The following DPP6 variants were observed in gnomAD, a reference collection of about 807,000 sequenced individuals.
DPP6 encodes the protein A-type potassium channel modulatory protein DPP6.
DPP6 carries 69 observed loss-of-function variants against 122.6 expected under a neutral mutation model. The ratio of observed to expected loss-of-function variants is 0.56; its 90% CI spans 0.46 to 0.69. The LOEUF is 0.69. Among genes scored for constraint, DPP6 ranks in the 30% least tolerant of loss-of-function variants. DPP6 has a pLI of 0.00. For synonymous variants in DPP6, 418 were observed against 433.1 expected, an observed-to-expected ratio of 0.97 and a Z score of 0.43; for missense variants, 928 against 1,116.9, an observed-to-expected ratio of 0.83 and a Z score of 2.41.
In DPP6 at chr7:154,623,571, A is replaced by G. The variant is rs62477223; in HGVS notation, c.628-14250A>G. 5.7e-3 allele frequency among the ~76,000 whole-genome samples: 363 copies of G among 63,720 alleles called. 2 individuals carry two copies. The highest frequency in any genetic ancestry group is 0.015 in the African/African-American group (339 of 23,226). The allele number at this position is 63,720 out of a possible 152,430, so 41.8% of individuals were successfully genotyped here. ...ACACGCACACACGCAACACGCACACACACACGCACGCACACGCGCACACAC... is the reference window on the plus strand; with the variant it reads ...ACACGCACACACGCAACACGCACACGCACACGCACGCACACGCGCACACAC... On this transcript the variant is annotated intron_variant, in intron 5 of 25. Transcript: ENST00000377770.
intron 1 of DPP6, among the ~76,000 whole-genome samples, chr7:153,941,568 T>C (rs556190574): frequency 1.3e-5 from 2 of 152,244 alleles, no homozygotes; most frequent in South Asian, 2.1e-4. Context: ...ACCTTTGGTA[T>C]AAAAGGAAGG....
intron 1 of DPP6, among the ~76,000 whole-genome samples, chr7:154,381,451 C>T (rs1001536274): frequency 3.9e-5 from 6 of 152,146 alleles, no homozygotes; most frequent in South Asian, 4.1e-4. Context: ...GTGTACATAT[C>T]GGTATGTATA....
chr7:154,886,015 G>A (rs760111639), intron 22 of DPP6, among the ~76,000 whole-genome samples: 30 of 152,234 alleles, frequency 2.0e-4, no homozygotes, highest in Admixed American at 8.5e-4. Flanking sequence ...CTAGTACTCC[G>A]CTGGCAGCAG....
chr7:154,375,997 G>T (rs559281134), intron 1 of DPP6, among the ~76,000 whole-genome samples: 2 of 152,302 alleles, frequency 1.3e-5, no homozygotes, highest in African/African-American at 4.8e-5. Flanking sequence ...CAAGGTTGGT[G>T]CATTTCACAT....
At position 154,052,789 on chromosome 7, in the gene DPP6, C is replaced by T. The variant is rs1450023832; in HGVS notation, c.-32C>T. The T allele has an allele frequency of 2.0e-6, 3 of 1,481,124 alleles. No homozygotes were observed. The highest frequency in any genetic ancestry group is 2.7e-6 in the Non-Finnish European group (3 of 1,110,120). 91.7% of individuals were successfully genotyped at this position (1,481,124 alleles called of 1,614,324 possible). A position where few individuals can be genotyped will look rare whatever the true frequency, so the allele number is the denominator to read the frequency against. On this transcript the variant is annotated 5_prime_UTR_variant, in exon 1 of 26. Coordinates refer to ENST00000377770, the MANE Select transcript of DPP6 (RefSeq NM_130797.4). This position sits in a 1 kb window ranked among gnomAD's most constrained non-coding sequence, Gnocchi z 4.8. ...GAGAGAAAGCAAAATATTAAAAAGC[C>T]CCAAAGACAGCCAGCAGGAGCGCGG...
intron 8 of DPP6, among the ~76,000 whole-genome samples, chr7:154,744,806 C>T (rs1842965130): frequency 6.6e-6 from 1 of 152,152 alleles, no homozygotes; most frequent in Non-Finnish European, 1.5e-5. Context: ...TCCCGGGACC[C>T]AGATTTCTCA....
chr7:153,857,503 A>T, the DPP6 span, among the ~76,000 whole-genome samples: 1 of 152,174 alleles, frequency 6.6e-6, no homozygotes, highest in Non-Finnish European at 1.5e-5. Flanking sequence ...CACTGCTTAC[A>T]GCTTTCTGGC....
At chr7:153,786,733 C>T in the DPP6 span, among the ~76,000 whole-genome samples, 1,094 of 65,374 alleles carry the variant, frequency 0.017, 12 homozygotes, top group African/African-American at 0.05. Context: ...AGCGAGACTC[C>T]GTCTCAGAAA....
At chr7:153,782,544 G>A in the DPP6 span, among the ~76,000 whole-genome samples, 1 of 152,100 alleles carries the variant, frequency 6.6e-6, no homozygotes, top group East Asian at 1.9e-4. Flanking sequence ...CTTAGCGTGT[G>A]GGCCCTTTCT....
chr7:154,369,429 A>C (rs1476115189), intron 1 of DPP6, among the ~76,000 whole-genome samples: 2 of 151,922 alleles, frequency 1.3e-5, no homozygotes, highest in Non-Finnish European at 2.9e-5. Context: ...GTGAAATGGC[A>C]TGATCTTGGC....
chr7:153,790,676 C>A, the DPP6 span, among the ~76,000 whole-genome samples: 7 of 152,064 alleles, frequency 4.6e-5, no homozygotes, highest in Non-Finnish European at 7.4e-5. Flanking sequence ...CATGAAACAG[C>A]CGGAGAGGTA....
chr7:153,844,748 T>C, the DPP6 span, among the ~76,000 whole-genome samples: 1 of 152,254 alleles, frequency 6.6e-6, no homozygotes, highest in Non-Finnish European at 1.5e-5. Flanking sequence ...AGTTGGAAAT[T>C]AATGCACTTT....
chr7:154,319,261 T>C (rs1019806778), intron 1 of DPP6, among the ~76,000 whole-genome samples: 19 of 152,198 alleles, frequency 1.2e-4, no homozygotes, highest in African/African-American at 4.6e-4. Context: ...TGTCTTCAAA[T>C]TGTTTTGCTC....
intron 6 of DPP6, among the ~76,000 whole-genome samples, chr7:154,652,623 T>G (rs968140207): frequency 6.6e-6 from 1 of 152,150 alleles, no homozygotes; most frequent in African/African-American, 2.4e-5. Flanking sequence ...TCAGGCTGCA[T>G]GAAGCTGCTA....
At chr7:153,884,424 G>C (rs1012243332), upstream of DPP6, among the ~76,000 whole-genome samples, 4 of 152,184 alleles carry the variant, frequency 2.6e-5, no homozygotes, top group Non-Finnish European at 5.9e-5. Flanking sequence ...GGACATTTGG[G>C]TTGTGGGACT....
At chr7:154,205,016 A>G (rs1258613675) in intron 1 of DPP6, among the ~76,000 whole-genome samples, 1 of 152,164 alleles carries the variant, frequency 6.6e-6, no homozygotes, top group East Asian at 1.9e-4. Context: ...CATTTTAATA[A>G]GCACCTTTTT....
intron 19 of DPP6, 100 bp downstream of exon 19, chr7:154,872,793 G>C: frequency 6.5e-7 from 1 of 1,539,900 alleles, no homozygotes; most frequent in Non-Finnish European, 8.8e-7. Flanking sequence ...ATAAGCAGGA[G>C]AAATGACATT....
chr7:154,170,499 C>CCCCA (rs772200988), intron 1 of DPP6, among the ~76,000 whole-genome samples: 24 of 152,188 alleles, frequency 1.6e-4, no homozygotes, highest in Non-Finnish European at 2.6e-4. Flanking sequence ...CAACCCTGGG[C>CCCCA]TGGGGCTCAG....
intron 5 of DPP6, among the ~76,000 whole-genome samples, chr7:154,569,089 C>T (rs530823127): frequency 3.2e-4 from 49 of 152,096 alleles, no homozygotes; most frequent in African/African-American, 1.1e-3. Context: ...ATCAAATCCA[C>T]AAAATATGTA....
Sources: allele counts gnomAD v4.1 joint callset (sites outside exome capture counted in the v4.1 genomes callset), GRCh38; gene constraint gnomAD v4.1.1; non-coding constraint Gnocchi (gnomAD v3.1); transcripts MANE v1.5; gene names NCBI Gene and HGNC (gene_info 2026-07-23, HGNC 2026-07-21).